KHDRBS2: variants seen among roughly 807,000 people sequenced by gnomAD.
KHDRBS2 encodes the protein KH RNA binding domain containing, signal transduction associated 2, also known as KH domain-containing, RNA-binding, signal transduction-associated protein 2.
KHDRBS2 carries 26 observed loss-of-function variants against 44.3 expected under a neutral mutation model. The observed-to-expected ratio is 0.59, with a 90% CI of 0.43 to 0.81. The LOEUF is 0.81. Among genes scored for constraint, KHDRBS2 ranks in the 40% least tolerant of loss-of-function variants. The pLI is 0.00. For synonymous variants in KHDRBS2, 194 were observed against 151.1 expected, an observed-to-expected ratio of 1.28 and a Z score of -2.08; for missense variants, 476 against 433.1, an observed-to-expected ratio of 1.10 and a Z score of -0.88.
the KHDRBS2 span, among the ~76,000 whole-genome samples, chr6:61,551,620 A>C: frequency 3.3e-5 from 5 of 152,122 alleles, no homozygotes; most frequent in Non-Finnish European, 7.4e-5. Flanking sequence ...AGAATAGGGA[A>C]TCCTTTCCCC....
the KHDRBS2 span, among the ~76,000 whole-genome samples, chr6:61,618,700 A>G: frequency 6.6e-6 from 1 of 152,068 alleles, no homozygotes. Context: ...TTTAGCTCCC[A>G]CTTCTAAGTG....
At chr6:62,216,048 A>G (rs940402607) in intron 1 of KHDRBS2, among the ~76,000 whole-genome samples, 20 of 151,764 alleles carry the variant, frequency 1.3e-4, no homozygotes, top group African/African-American at 4.3e-4. Context: ...TTTGTACTTT[A>G]TAAAGATGTT....
chr6:61,734,947 G>T (rs1252264844), intron 6 of KHDRBS2, among the ~76,000 whole-genome samples: 1 of 152,172 alleles, frequency 6.6e-6, no homozygotes, highest in African/African-American at 2.4e-5. Flanking sequence ...AGGCCAAGGT[G>T]TTTTCCTAAG....
intron 2 of KHDRBS2, among the ~76,000 whole-genome samples, chr6:62,080,634 G>A (rs1182990723): frequency 2.6e-5 from 4 of 151,986 alleles, no homozygotes; most frequent in Non-Finnish European, 4.4e-5. Context: ...GTTAATTATT[G>A]TTCTAGATCA....
chr6:61,798,678 T>G (rs1582898833), intron 6 of KHDRBS2, among the ~76,000 whole-genome samples: 1 of 152,016 alleles, frequency 6.6e-6, no homozygotes, highest in East Asian at 1.9e-4. Flanking sequence ...TACACTGATA[T>G]TTTGGGTAAG....
At chr6:62,047,793 C>T in intron 3 of KHDRBS2, 85 bp downstream of exon 3, 1 of 778,756 alleles carries the variant, frequency 1.3e-6, no homozygotes, top group Non-Finnish European at 2.3e-6. Context: ...GGTGAAAGAG[C>T]AGTTCAGGCA....
intron 1 of KHDRBS2, among the ~76,000 whole-genome samples, chr6:62,256,182 G>A (rs2150178364): frequency 6.6e-6 from 1 of 151,890 alleles, no homozygotes; most frequent in Non-Finnish European, 1.5e-5. Flanking sequence ...CTCAGCATTA[G>A]GGAAATATTT....
intron 2 of KHDRBS2, among the ~76,000 whole-genome samples, chr6:62,130,583 T>A (rs898278865): frequency 3.9e-5 from 6 of 151,988 alleles, no homozygotes; most frequent in Non-Finnish European, 7.4e-5. Flanking sequence ...TATTAATATA[T>A]TGATGATTTA....
chr6:61,600,916 A>C, the KHDRBS2 span, among the ~76,000 whole-genome samples: 1 of 152,138 alleles, frequency 6.6e-6, no homozygotes, highest in Non-Finnish European at 1.5e-5. Context: ...GTAGAGACAA[A>C]GAGATGCGTT....
chr6:61,598,821 T>G, the KHDRBS2 span, among the ~76,000 whole-genome samples: 2 of 117,962 alleles, frequency 1.7e-5, no homozygotes, highest in African/African-American at 3.3e-5. Flanking sequence ...AAGGGTAGAG[T>G]GTCCTTTTTT....
intron 6 of KHDRBS2, among the ~76,000 whole-genome samples, chr6:61,810,489 C>T (rs1787946502): frequency 6.6e-6 from 1 of 152,010 alleles, no homozygotes; most frequent in Non-Finnish European, 1.5e-5. Flanking sequence ...CAGGTCACAA[C>T]ATACTTGTAT....
intron 2 of KHDRBS2, among the ~76,000 whole-genome samples, chr6:62,160,578 A>G (rs1420223462): frequency 6.6e-6 from 1 of 152,166 alleles, no homozygotes; most frequent in East Asian, 1.9e-4. Context: ...TTGAGGAGTC[A>G]CATGATCTGT....
At chr6:61,651,494 C>T in the KHDRBS2 span, among the ~76,000 whole-genome samples, 1 of 151,980 alleles carries the variant, frequency 6.6e-6, no homozygotes, top group African/African-American at 2.4e-5. Flanking sequence ...TGAAATTTTC[C>T]TCTTGTGGCA....
chr6:61,826,669 T>C (rs548500107), intron 6 of KHDRBS2, among the ~76,000 whole-genome samples: 1 of 152,174 alleles, frequency 6.6e-6, no homozygotes, highest in East Asian at 1.9e-4. Flanking sequence ...AATTTGACCT[T>C]TTTGGCCTCT....
chr6:62,066,549 AT>A (rs1482762449), intron 2 of KHDRBS2, among the ~76,000 whole-genome samples: 1 of 151,756 alleles, frequency 6.6e-6, no homozygotes, highest in Non-Finnish European at 1.5e-5. Context: ...TAAATGTCAC[AT>A]AAGTCTCTTG....
chr6:62,210,730 C>A (rs908802790), intron 1 of KHDRBS2, among the ~76,000 whole-genome samples: 3 of 151,868 alleles, frequency 2.0e-5, no homozygotes, highest in Non-Finnish European at 4.4e-5. Context: ...ACAGAGAAAC[C>A]TGAATATGAA....
At position 61,697,186 on chromosome 6, in the gene KHDRBS2, AG is replaced by A. The variant is rs1767998222; in HGVS notation, c.952+8del. The stretch of plus-strand genomic sequence containing the variant: ...CGATTTCACAGTTTTAGTAAAGAAA[AG>A]GTCTTACCGTAGCTGTCATAGGCAT... On this transcript the variant is annotated splice_region_variant and intron_variant, in intron 8 of 8. Transcript: ENST00000281156. 1 of 1,577,152 alleles carries A rather than the reference AG, an allele frequency of 6.3e-7. No individual in the cohort carries two copies. The highest frequency in any genetic ancestry group is 1.7e-5 in the Admixed American group (1 of 59,918).
At chr6:61,888,523 T>C (rs7768270) in intron 6 of KHDRBS2, among the ~76,000 whole-genome samples, 1,705 of 150,344 alleles carry the variant, frequency 0.011, 27 homozygotes, top group African/African-American at 0.038. Context: ...AAAACAGAGA[T>C]GAGATAGGAA....
intron 4 of KHDRBS2, among the ~76,000 whole-genome samples, chr6:61,966,578 G>A (rs1331611674): frequency 1.3e-5 from 2 of 151,888 alleles, no homozygotes; most frequent in East Asian, 1.9e-4. Context: ...TGATCTACTT[G>A]ACCACGGAAA....
Sources: allele counts gnomAD v4.1 joint callset (sites outside exome capture counted in the v4.1 genomes callset), GRCh38; gene constraint gnomAD v4.1.1; transcripts MANE v1.5; gene names NCBI Gene and HGNC (gene_info 2026-07-23, HGNC 2026-07-21).